STPG2: variants seen among roughly 807,000 people sequenced by gnomAD.
The protein encoded by STPG2 is sperm-tail PG-rich repeat-containing protein 2.
In STPG2, 56 loss-of-function variants were observed where a neutral mutation model predicts 54.2. The ratio of observed to expected loss-of-function variants is 1.03; its 90% CI spans 0.83 to 1.29. The LOEUF (loss-of-function observed/expected upper bound fraction) is 1.29. Ranked by LOEUF, STPG2 falls within the 50% of genes most tolerant of loss-of-function variation. The pLI is 0.00. For missense variants in STPG2, 596 were observed against 544.9 expected (o/e 1.09, Z -0.93); for synonymous variants, 200 against 181.8 (o/e 1.10, Z -0.81).
chr4:97,954,038 TTCC>T lies in STPG2; in HGVS notation c.934-10034_934-10032del, dbSNP rs1733574619. Among the ~76,000 whole-genome samples the T allele has an allele frequency of 2.6e-5, 4 of 152,336 alleles. No homozygotes were observed. The South Asian group carries it at 8.3e-4, about 32-fold the overall frequency. ...TACTAGAAATTATTACGTTAAAAAT[TTCC>T]AAAACATTTTGCAGTTTTTAGTACT... On this transcript the variant is annotated intron_variant, in intron 7 of 10. Transcript: ENST00000295268.
Position 98,128,596 on chromosome 4 carries a change from C to T in STPG2, c.223-4G>A, listed in dbSNP as rs1193846089. On this transcript the variant is annotated splice_polypyrimidine_tract_variant and splice_region_variant and intron_variant, in intron 2 of 10. Transcript: ENST00000295268. ...GTGTAGGTGATCTTGAAATTTTCTG[C>T]AAGGAAAACATTTTATATTATTTAT... 6 of 1,568,342 alleles carry T rather than the reference C, an allele frequency of 3.8e-6. No individual in the cohort carries two copies. Among genetic ancestry groups the T allele is most frequent in the African/African-American group, 1.4e-5 (1 of 72,684 alleles).
At chr4:97,960,882 T>C (rs1253983186) in intron 7 of STPG2, among the ~76,000 whole-genome samples, 1 of 151,944 alleles carries the variant, frequency 6.6e-6, no homozygotes, top group Non-Finnish European at 1.5e-5. Context: ...AAAGCCCACA[T>C]AGCCAAGGCA....
At chr4:97,849,250 C>T (rs971078224) in intron 8 of STPG2, among the ~76,000 whole-genome samples, 2 of 151,454 alleles carry the variant, frequency 1.3e-5, no homozygotes, top group African/African-American at 4.9e-5. Flanking sequence ...GTATTTTATT[C>T]TCTTTGAAGC....
chr4:97,585,672 T>C (rs1444609842), intron 10 of STPG2, among the ~76,000 whole-genome samples: 1 of 151,912 alleles, frequency 6.6e-6, no homozygotes, highest in Non-Finnish European at 1.5e-5. Flanking sequence ...GGGAGAATGC[T>C]CATGGCCTAG....
intron 3 of STPG2, among the ~76,000 whole-genome samples, chr4:98,128,041 G>C (rs1178850230): frequency 6.6e-6 from 1 of 152,072 alleles, no homozygotes; most frequent in Non-Finnish European, 1.5e-5. Flanking sequence ...CTCCCTGGCA[G>C]TTAAGTATGG....
chr4:97,945,109 G>A (rs142546853), intron 7 of STPG2, among the ~76,000 whole-genome samples: 1 of 152,002 alleles, frequency 6.6e-6, no homozygotes, highest in Non-Finnish European at 1.5e-5. Flanking sequence ...TTCCTTACAT[G>A]GATGTATAGT....
At chr4:97,616,057 A>AAT (rs70953077) in intron 10 of STPG2, among the ~76,000 whole-genome samples, 1,280 of 37,360 alleles carry the variant, frequency 0.034, 39 homozygotes, top group Non-Finnish European at 0.037. Flanking sequence ...AATACATATA[A>AAT]ATATATATAT....
At chr4:97,579,373 T>C (rs573303284) in intron 10 of STPG2, among the ~76,000 whole-genome samples, 2 of 151,938 alleles carry the variant, frequency 1.3e-5, no homozygotes, top group Non-Finnish European at 2.9e-5. Context: ...TCTTAAAAAA[T>C]TTTCTAAGCA....
At chr4:98,011,576 A>G (rs1290065761) in intron 5 of STPG2, among the ~76,000 whole-genome samples, 1 of 152,198 alleles carries the variant, frequency 6.6e-6, no homozygotes, top group Admixed American at 6.5e-5. Context: ...CTTTCCCACC[A>G]ACAGCGTAAA....
intron 9 of STPG2, among the ~76,000 whole-genome samples, chr4:97,778,136 C>T (rs1394980695): frequency 6.6e-6 from 1 of 152,154 alleles, no homozygotes; most frequent in African/African-American, 2.4e-5. Flanking sequence ...CTGGGAAGCG[C>T]AAGGGGTCAG....
At chr4:97,551,043 G>A (rs1277661028) in intron 4 of STPG2, among the ~76,000 whole-genome samples, 1 of 151,532 alleles carries the variant, frequency 6.6e-6, no homozygotes, top group African/African-American at 2.4e-5. Flanking sequence ...TGTGGGCTCA[G>A]GTGGCCAGCT....
At chr4:97,635,305 C>A (rs1721471244) in intron 10 of STPG2, among the ~76,000 whole-genome samples, 3 of 152,148 alleles carry the variant, frequency 2.0e-5, no homozygotes, top group African/African-American at 7.2e-5. Flanking sequence ...GATTTTGTCA[C>A]CACTAGGCCT....
intron 4 of STPG2, among the ~76,000 whole-genome samples, chr4:97,534,914 C>G (rs755681968): frequency 6.6e-6 from 1 of 152,150 alleles, no homozygotes; most frequent in African/African-American, 2.4e-5. Context: ...TACCATAGTT[C>G]ATTGGAAATC....
intron 10 of STPG2, among the ~76,000 whole-genome samples, chr4:97,644,953 T>A (rs2148948453): frequency 6.6e-6 from 1 of 152,130 alleles, no homozygotes; most frequent in Admixed American, 6.6e-5. Context: ...CACAATGTCA[T>A]GCTCAAAATT....
chr4:97,470,019 AT>A (rs1425239042), intron 4 of STPG2, among the ~76,000 whole-genome samples: 1 of 152,150 alleles, frequency 6.6e-6, no homozygotes, highest in African/African-American at 2.4e-5. Context: ...TGAGTAAAAA[AT>A]ATCCTTATGT....
At chr4:97,488,188 G>A (rs966288478) in intron 4 of STPG2, among the ~76,000 whole-genome samples, 2 of 151,680 alleles carry the variant, frequency 1.3e-5, no homozygotes, top group East Asian at 3.9e-4. Flanking sequence ...AACCAAATCT[G>A]CATTTATCTA....
chr4:97,584,795 C>T (rs763766936), intron 10 of STPG2, among the ~76,000 whole-genome samples: 3 of 151,620 alleles, frequency 2.0e-5, no homozygotes, highest in Non-Finnish European at 2.9e-5. Context: ...ATATACAACC[C>T]TCCTAGATTA....
chr4:97,996,901 T>C (rs1296282637), intron 5 of STPG2, among the ~76,000 whole-genome samples: 1 of 152,142 alleles, frequency 6.6e-6, no homozygotes, highest in African/African-American at 2.4e-5. Flanking sequence ...CATTTCACAC[T>C]GGTCAGGATG....
chr4:97,955,937 T>A (rs1733656655), intron 7 of STPG2, among the ~76,000 whole-genome samples: 1 of 152,154 alleles, frequency 6.6e-6, no homozygotes, highest in Non-Finnish European at 1.5e-5. Flanking sequence ...AAAACTGTAA[T>A]AATTCAGCAG....
Sources: gnomAD v4.1 joint callset for allele counts (sites outside exome capture counted in the v4.1 genomes callset) on GRCh38, gnomAD v4.1.1 for gene constraint, MANE v1.5 for transcripts, NCBI Gene and HGNC (gene_info 2026-07-23, HGNC 2026-07-21) for gene names.